GMDS: variants seen among roughly 807,000 people sequenced by gnomAD.
GMDS encodes GDP-mannose 4,6 dehydratase.
GMDS carries 20 observed loss-of-function variants against 49.9 expected under a neutral mutation model. That is an observed-to-expected ratio of 0.40 (90% CI 0.28 to 0.58). The LOEUF is 0.58. Ranked by LOEUF, GMDS falls within the 20% of genes least tolerant of loss-of-function variation. GMDS has a pLI of 0.42. For synonymous variants in GMDS, 177 were observed against 178.6 expected, an observed-to-expected ratio of 0.99 and a Z score of 0.07; for missense variants, 362 against 481.4, an observed-to-expected ratio of 0.75 and a Z score of 2.32.
chr6:1,644,035 C>T (rs937620592), intron 9 of GMDS, among the ~76,000 whole-genome samples: 9 of 152,178 alleles, frequency 5.9e-5, no homozygotes, highest in African/African-American at 2.2e-4. Context: ...CCCTCTGAGC[C>T]CCAGGGCCCA....
chr6:1,670,127 C>T (rs913476828), intron 9 of GMDS, among the ~76,000 whole-genome samples: 5 of 151,946 alleles, frequency 3.3e-5, no homozygotes, highest in Admixed American at 2.0e-4. Context: ...CAGAGCGCTG[C>T]GCACGTGCAC....
At chr6:1,708,422 T>C (rs1765817711) in intron 9 of GMDS, among the ~76,000 whole-genome samples, 1 of 152,102 alleles carries the variant, frequency 6.6e-6, no homozygotes, top group South Asian at 2.1e-4. Flanking sequence ...GCGTTGTCAA[T>C]ACAGCAACAG....
At chr6:1,873,221 T>G (rs1758863838) in intron 7 of GMDS, among the ~76,000 whole-genome samples, 1 of 152,204 alleles carries the variant, frequency 6.6e-6, no homozygotes, top group African/African-American at 2.4e-5. Flanking sequence ...GAGAAAAGGG[T>G]TATCTATACC....
intron 9 of GMDS, among the ~76,000 whole-genome samples, chr6:1,698,911 A>G (rs1765443997): frequency 6.6e-6 from 1 of 151,740 alleles, no homozygotes; most frequent in African/African-American, 2.4e-5. Flanking sequence ...TATTGTGAAG[A>G]GGCAGTGCCA....
chr6:2,012,327 C>G (rs1245123600), intron 4 of GMDS, among the ~76,000 whole-genome samples: 1 of 152,022 alleles, frequency 6.6e-6, no homozygotes, highest in Non-Finnish European at 1.5e-5. Flanking sequence ...GTGAAATGGT[C>G]TGAATATTCT....
chr6:1,677,111 T>G (rs1025142505), intron 9 of GMDS, among the ~76,000 whole-genome samples: 126 of 152,180 alleles, frequency 8.3e-4, no homozygotes, highest in South Asian at 1.7e-3. Flanking sequence ...TATCAAAAAG[T>G]GGGCAAAGGA....
At chr6:1,656,958 C>T (rs115279208) in intron 9 of GMDS, among the ~76,000 whole-genome samples, 1,646 of 152,248 alleles carry the variant, frequency 0.011, 23 homozygotes, top group African/African-American at 0.035. Flanking sequence ...TGAAGTCTGG[C>T]GCCAAGAGCA....
chr6:1,862,685 A>G (rs1177105491), intron 7 of GMDS, among the ~76,000 whole-genome samples: 2 of 152,252 alleles, frequency 1.3e-5, no homozygotes, highest in Non-Finnish European at 2.9e-5. Context: ...CTGTCAAATT[A>G]ACTTGAAAAC....
chr6:2,026,932 T>C (rs930560553), intron 4 of GMDS, among the ~76,000 whole-genome samples: 30 of 152,182 alleles, frequency 2.0e-4, no homozygotes, highest in African/African-American at 5.8e-4. Flanking sequence ...ATGAGGTAAA[T>C]ACATTTTCCA....
At chr6:2,103,685 A>G (rs1386548271) in intron 4 of GMDS, among the ~76,000 whole-genome samples, 1 of 152,210 alleles carries the variant, frequency 6.6e-6, no homozygotes, top group Non-Finnish European at 1.5e-5. Flanking sequence ...TTAGATCCTC[A>G]TGACTGTGAT....
rs150127625 is a variant in GMDS at position 1,912,419 on chromosome 6, C to T, written c.771+17684G>A. Among the ~76,000 whole-genome samples, 788 of 152,274 alleles carry T rather than the reference C, an allele frequency of 5.2e-3. 6 individuals carry two copies. Among genetic ancestry groups the T allele is most frequent in the African/African-American group, 0.018 (756 of 41,548 alleles). On this transcript the variant is annotated intron_variant, in intron 7 of 10. Coordinates refer to ENST00000380815, the MANE Select transcript of GMDS (RefSeq NM_001500.4). The stretch of plus-strand genomic sequence containing the variant: ...CAAAGGACTGTGGGGAGCACTCCAA[C>T]TTTTTAGAGTTCTTTCTATGTGATA...
intron 1 of GMDS, among the ~76,000 whole-genome samples, chr6:2,205,184 C>A (rs919952233): frequency 3.3e-5 from 5 of 152,140 alleles, no homozygotes; most frequent in African/African-American, 1.2e-4. Context: ...GAAGATACAG[C>A]ATAACTTGGT....
chr6:1,919,217 G>A (rs995827264), intron 7 of GMDS, among the ~76,000 whole-genome samples: 1 of 152,296 alleles, frequency 6.6e-6, no homozygotes, highest in South Asian at 2.1e-4. Flanking sequence ...ACCGACATGA[G>A]ATAGCTAACA....
chr6:1,896,841 G>A (rs578203386), intron 7 of GMDS, among the ~76,000 whole-genome samples: 6 of 152,320 alleles, frequency 3.9e-5, no homozygotes, highest in Admixed American at 3.9e-4. Context: ...TTCCGGTTAA[G>A]ATAACAAGGT....
At chr6:1,882,142 A>G (rs1759393976) in intron 7 of GMDS, among the ~76,000 whole-genome samples, 1 of 152,216 alleles carries the variant, frequency 6.6e-6, no homozygotes, top group Non-Finnish European at 1.5e-5. Context: ...GGTATTTTCA[A>G]ACTGGAACAT....
chr6:1,838,529 A>C (rs1253869816), intron 7 of GMDS, among the ~76,000 whole-genome samples: 2 of 152,220 alleles, frequency 1.3e-5, no homozygotes, highest in Non-Finnish European at 2.9e-5. Flanking sequence ...TACCTCTGTG[A>C]AATTTTGAGT....
intron 4 of GMDS, among the ~76,000 whole-genome samples, chr6:2,094,926 A>G (rs1190534623): frequency 6.6e-6 from 1 of 152,234 alleles, no homozygotes; most frequent in African/African-American, 2.4e-5. Context: ...ACGGAGGCAC[A>G]GTATGGGAAG....
At position 1,983,691 on chromosome 6, in the gene GMDS, C is replaced by G. The variant is rs536509375; in HGVS notation, c.346-22725G>C. Among the ~76,000 whole-genome samples the G allele has an allele frequency of 8.6e-5, 13 of 152,002 alleles. No individual in the cohort carries two copies. In the South Asian group the frequency reaches 2.7e-3, roughly 32 times the overall value. ...AATGAGATACCATCTCATGCCAGTCCAAAAGGCTATTTAAAATGTCAAAAA... is the reference window on the plus strand; with the variant it reads ...AATGAGATACCATCTCATGCCAGTCGAAAAGGCTATTTAAAATGTCAAAAA... On this transcript the variant is annotated intron_variant, in intron 4 of 10. Coordinates refer to ENST00000380815, the MANE Select transcript of GMDS (RefSeq NM_001500.4).
At chr6:2,195,948 A>C (rs1779258839) in intron 1 of GMDS, among the ~76,000 whole-genome samples, 1 of 152,090 alleles carries the variant, frequency 6.6e-6, no homozygotes, top group African/African-American at 2.4e-5. Flanking sequence ...GTATATGCCA[A>C]AATAAATATA....
Sources: gnomAD v4.1 joint callset for allele counts (sites outside exome capture counted in the v4.1 genomes callset) on GRCh38, gnomAD v4.1.1 for gene constraint, MANE v1.5 for transcripts, NCBI Gene and HGNC (gene_info 2026-07-23, HGNC 2026-07-21) for gene names.